The following SRRT variants were observed in gnomAD, a reference collection of about 807,000 sequenced individuals.
SRRT encodes the protein serrate RNA effector molecule homolog.
In SRRT, 32 loss-of-function variants were observed where a neutral mutation model predicts 103.2. The observed-to-expected ratio is 0.31, with a 90% CI of 0.23 to 0.42. SRRT has a LOEUF of 0.42. SRRT is among the 10% of genes least tolerant of loss of function. The pLI is 1.00. For missense variants in SRRT, 986 were observed against 1,207.5 expected, an observed-to-expected ratio of 0.82 and a Z score of 2.72; for synonymous variants, 525 against 449.0, an observed-to-expected ratio of 1.17 and a Z score of -2.14.
Position 100,887,641 on chromosome 7 carries a change from C to G in SRRT, c.2170-62C>G. 1.3e-6 allele frequency: 2 copies of G among 1,580,272 alleles called. No individual in the cohort carries two copies. The highest frequency in any genetic ancestry group is 1.3e-5 in the African/African-American group (1 of 74,386). ...GCGGGAGCTGGGAATCCTTCCAGCT[C>G]GGGCCTGGGAGCGAGGCAACCCTTA... is the stretch of plus-strand genomic sequence containing the variant. On this transcript the variant is annotated intron_variant, in intron 16 of 19. Transcript: ENST00000611405. The surrounding 1 kb of genome is among the most constrained non-coding windows in gnomAD (Gnocchi z 4.1).
intron 2 of SRRT, among the ~76,000 whole-genome samples, chr7:100,880,084 C>T (rs1816141650): frequency 6.6e-6 from 1 of 152,122 alleles, no homozygotes; most frequent in Non-Finnish European, 1.5e-5. Flanking sequence ...GCCACACTGG[C>T]CAAGGACAAA....
intron 4 of SRRT, 88 bp downstream of exon 4, chr7:100,881,893 T>C: frequency 6.6e-7 from 1 of 1,504,722 alleles, no homozygotes; most frequent in Non-Finnish European, 8.9e-7. Flanking sequence ...AGGGAGCGGG[T>C]CAGGCACACA....
In SRRT at chr7:100,887,300, CCT is replaced by C. The variant is rs1457163324; in HGVS notation, c.1976-17_1976-16del. 3 of 1,611,526 alleles carry C rather than the reference CCT, an allele frequency of 1.9e-6. No individual in the cohort carries two copies. The highest frequency in any genetic ancestry group is 2.2e-5 in the East Asian group (1 of 44,834). On this transcript the variant is annotated intron_variant, in intron 15 of 19. Coordinates refer to ENST00000611405, the MANE Select transcript of SRRT (RefSeq NM_015908.6). This position sits in a 1 kb window ranked among gnomAD's most constrained non-coding sequence, Gnocchi z 4.1. Reference sequence around the variant, plus strand: ...TCTGGCTCCCTTGCCAACCTTCCTTCCTCTGTTCCCAAACCACAGTGCTGGAG... The same window carrying C: ...TCTGGCTCCCTTGCCAACCTTCCTTCCTGTTCCCAAACCACAGTGCTGGAG...
At chr7:100,876,055 C>T in intron 2 of SRRT, 1 of 239,084 alleles carries the variant, frequency 4.2e-6, no homozygotes, top group South Asian at 4.5e-5. Context: ...GCAGTCGTAG[C>T]AGCCTCCACC....
chr7:100,882,312 C>T lies in SRRT; in HGVS notation c.587+71C>T. On this transcript the variant is annotated intron_variant, in intron 5 of 19. Coordinates refer to ENST00000611405, the MANE Select transcript of SRRT (RefSeq NM_015908.6). This position sits in a 1 kb window ranked among gnomAD's most constrained non-coding sequence, Gnocchi z 4.2. ...TGGCCCCGCTGGTGGAGCCACAGCC[C>T]TGTCCTCTTCCCAGTTTTCCCTGTC... The T allele has an allele frequency of 6.6e-7, 1 of 1,520,318 alleles. No homozygotes were observed. Among genetic ancestry groups the T allele is most frequent in the Non-Finnish European group, 8.9e-7 (1 of 1,119,436 alleles). The allele number at this position is 1,520,318 out of a possible 1,614,324, so 94.2% of individuals were successfully genotyped here.
At position 100,887,690 on chromosome 7, in the gene SRRT, T is replaced by A. The variant is rs1044519986; in HGVS notation, c.2170-13T>A. On this transcript the variant is annotated splice_polypyrimidine_tract_variant and intron_variant, in intron 16 of 19. Transcript: ENST00000611405. This position sits in a 1 kb window ranked among gnomAD's most constrained non-coding sequence, Gnocchi z 4.1. ...TATGTGGCTGTCCTGACCCCTCTCCTCTCTCCACCCAGGGTCCTGAGTTTG... is the reference window on the plus strand; with the variant it reads ...TATGTGGCTGTCCTGACCCCTCTCCACTCTCCACCCAGGGTCCTGAGTTTG... 1 of 1,601,638 alleles carries A rather than the reference T, an allele frequency of 6.2e-7. No individual in the cohort carries two copies. The highest frequency in any genetic ancestry group is 1.7e-5 in the Admixed American group (1 of 59,794).
chr7:100,886,823 A>G lies in SRRT; in HGVS notation c.1676A>G (p.Lys559Arg), dbSNP rs373662262. Residue 559 changes from lysine to arginine, a missense_variant, in exon 14 of 20, where the codon AAG (lysine) becomes AGG (arginine). Lys to Arg is a conservative substitution (Grantham distance 26). This residue lies in a region of SRRT where 349 missense variants were observed against 446.9 expected (regional missense o/e 0.78). Coordinates refer to ENST00000611405, the MANE Select transcript of SRRT (RefSeq NM_015908.6). ...CTGCCCTCGCAAAACCCGATCTTGA[A>G]GAATATCACCGACTACCTGATCGAG... is the stretch of plus-strand genomic sequence containing the variant. ...TSLPSQNPIL[K>R]NITDYLIEEV... is the part of the protein sequence containing the mutation. 40 of 1,614,044 alleles carry G rather than the reference A, an allele frequency of 2.5e-5. No individual in the cohort carries two copies. Among genetic ancestry groups the G allele is most frequent in the Non-Finnish European group, 3.3e-5 (39 of 1,180,030 alleles).
Position 100,884,837 on chromosome 7 carries a change from A to C in SRRT, c.1040A>C (p.Lys347Thr), listed in dbSNP as rs1789931598. 3.1e-6 allele frequency: 5 copies of C among 1,613,838 alleles called. No individual in the cohort carries two copies. The East Asian group carries it at 1.1e-4, about 36-fold the overall frequency. Reference sequence around the variant, plus strand: ...GAAGACTCCGAGAAGGAAGCCAAAAAGGTGAGGTGTCTGTGGCCTGGGGTC... The same window carrying C: ...GAAGACTCCGAGAAGGAAGCCAAAACGGTGAGGTGTCTGTGGCCTGGGGTC... The part of the protein sequence containing the change: ...KKEDSEKEAK[K>T]SSKKRNRKHS... The change falls in exon 8 of 20, where the codon AAG becomes ACG. Residue 347 changes from lysine (K) to threonine (T), a missense_variant and splice_region_variant. Transcript: ENST00000611405.
intron 5 of SRRT, among the ~76,000 whole-genome samples, 173 bp from the exon 6 acceptor site, chr7:100,883,897 T>C (rs992756120): frequency 1.3e-5 from 2 of 152,232 alleles, no homozygotes; most frequent in Non-Finnish European, 2.9e-5. Flanking sequence ...TGGTTCCTTT[T>C]GGGGTGTTGG....
intron 2 of SRRT, among the ~76,000 whole-genome samples, chr7:100,877,100 A>T (rs906979350): frequency 2.0e-5 from 3 of 151,924 alleles, no homozygotes; most frequent in Non-Finnish European, 4.4e-5. Context: ...GCTTTACCAA[A>T]CATCAAGGCA....
In SRRT at chr7:100,886,665, A is replaced by G. The variant is rs529469737; in HGVS notation, c.1648-130A>G. On this transcript the variant is annotated intron_variant, in intron 13 of 19. Coordinates refer to ENST00000611405, the MANE Select transcript of SRRT (RefSeq NM_015908.6). ...AAAAGCTAAAATAAAGACAAATCTC[A>G]AGGGGGCAAAAGGTGCCATTTATGT... 4 of 1,114,498 alleles carry G rather than the reference A, an allele frequency of 3.6e-6. No homozygotes were observed. The African/African-American group carries it at 6.2e-5, about 17-fold the overall frequency. 69.0% of individuals were successfully genotyped at this position (1,114,498 alleles called of 1,614,324 possible).
Position 100,885,938 on chromosome 7 carries a change from C to T in SRRT, c.1455C>T (p.Ile485=), listed in dbSNP as rs777521565. The change falls in exon 12 of 20, where the codon ATC becomes ATT. Residue 485 remains isoleucine, a synonymous_variant. Transcript: ENST00000611405. This position sits in a 1 kb window ranked among gnomAD's most constrained non-coding sequence, Gnocchi z 4.8. ...AGATCTGTTGGAACCTGCAGAACAT[C>T]CGTGTGAGTGCTGGGGGTGGGACTG... ...IKEICWNLQN[I]RLRECELSPG... The T allele has an allele frequency of 1.2e-6, 2 of 1,613,944 alleles. No individual in the cohort carries two copies. The highest frequency in any genetic ancestry group is 4.5e-5 in the East Asian group (2 of 44,884).
chr7:100,886,121 T>TCC (rs1790073389), intron 12 of SRRT, 126 bp from the exon 13 acceptor site: 1 of 1,259,936 alleles, frequency 7.9e-7, no homozygotes, highest in African/African-American at 1.5e-5. Context: ...ACCTATGTGG[T>TCC]CCCCGTCCCC....
intron 13 of SRRT, 176 bp downstream of exon 13, chr7:100,886,611 C>A: frequency 1.1e-6 from 1 of 950,728 alleles, no homozygotes; most frequent in Admixed American, 2.3e-5. Context: ...TGGGGGGATG[C>A]TAGTGATCAT....
At position 100,884,187 on chromosome 7, in the gene SRRT, C is replaced by T. The variant is rs577236268; in HGVS notation, c.705C>T (p.Asn235=). ...TCATGGAGACTGGCTGGTTTGATAA[C>T]CTTCTCCTGGACATAGACAAAGCTG... The part of the protein sequence containing the change: ...LSLMETGWFD[N]LLLDIDKADA... Residue 235 remains asparagine, a synonymous_variant, in exon 6 of 20, where the codon AAC becomes AAT. Transcript: ENST00000611405. 1.9e-6 allele frequency: 3 copies of T among 1,614,114 alleles called. No individual in the cohort carries two copies. Among genetic ancestry groups the T allele is most frequent in the South Asian group, 2.2e-5 (2 of 91,072 alleles).
At chr7:100,884,889 C>G in intron 8 of SRRT, 34 bp from the exon 9 acceptor site, 2 of 1,613,804 alleles carry the variant, frequency 1.2e-6, no homozygotes, top group Non-Finnish European at 1.7e-6. Flanking sequence ...GGTTCTGGCA[C>G]GCTGACTTGT....
In SRRT at chr7:100,885,149, A is replaced by G. The variant is rs1789967940; in HGVS notation, c.1160-64A>G. 6 of 1,603,754 alleles carry G rather than the reference A, an allele frequency of 3.7e-6. 1 individual carries two copies. In the South Asian group the frequency reaches 6.6e-5, roughly 18 times the overall value. On this transcript the variant is annotated intron_variant, in intron 9 of 19. Coordinates refer to ENST00000611405, the MANE Select transcript of SRRT (RefSeq NM_015908.6). The surrounding 1 kb of genome is among the most constrained non-coding windows in gnomAD (Gnocchi z 4.8). ...GTGGCTTTTAGGGGAAAGCTTCTGT[A>G]TCCTCCCCACCACAATCAGTAATAA... is the stretch of plus-strand genomic sequence containing the variant.
intron 3 of SRRT, 64 bp downstream of exon 3, chr7:100,881,477 C>G: frequency 6.3e-7 from 1 of 1,589,392 alleles, no homozygotes; most frequent in Non-Finnish European, 8.6e-7. Flanking sequence ...TCCCCTTTCT[C>G]CCCTCACCTG....
Position 100,886,470 on chromosome 7 carries a change from A to T in SRRT, c.1647+35A>T, listed in dbSNP as rs746343848. ...TCCCCAAAGGACTTTGTCAGAAGCA[A>T]CTGGTAGTGCCTCTGCTGTGGGCAC... is the stretch of plus-strand genomic sequence containing the variant. On this transcript the variant is annotated intron_variant, in intron 13 of 19. Coordinates refer to ENST00000611405, the MANE Select transcript of SRRT (RefSeq NM_015908.6). 3 of 1,578,908 alleles carry T rather than the reference A, an allele frequency of 1.9e-6. No homozygotes were observed. The South Asian group carries it at 3.4e-5, about 18-fold the overall frequency.
Sources: allele counts gnomAD v4.1 joint callset (sites outside exome capture counted in the v4.1 genomes callset), GRCh38; gene constraint gnomAD v4.1.1; regional missense constraint gnomAD v4.1.1; non-coding constraint Gnocchi (gnomAD v3.1); transcripts MANE v1.5; gene names NCBI Gene and HGNC (gene_info 2026-07-23, HGNC 2026-07-21).